Variants in TENM4 observed in about 807,000 individuals in gnomAD.
The protein encoded by TENM4 is teneurin-4.
Under a neutral mutation model 243.3 loss-of-function variants are expected in TENM4, and 82 were observed. That is an observed-to-expected ratio of 0.34 (90% CI 0.28 to 0.40). The LOEUF (loss-of-function observed/expected upper bound fraction) is 0.40. Ranked by LOEUF, TENM4 falls within the 10% of genes least tolerant of loss-of-function variation. The pLI is 1.00. For missense variants in TENM4, 3,138 were observed against 3,673.3 expected, an observed-to-expected ratio of 0.85 and a Z score of 3.77; for synonymous variants, 1,412 against 1,456.3, an observed-to-expected ratio of 0.97 and a Z score of 0.69.
intron 6 of TENM4, among the ~76,000 whole-genome samples, chr11:79,016,468 G>T (rs1366697378): frequency 6.6e-6 from 1 of 152,038 alleles, no homozygotes; most frequent in Non-Finnish European, 1.5e-5. Flanking sequence ...ATGGATTTGG[G>T]GTCATGATTA....
intron 1 of TENM4, among the ~76,000 whole-genome samples, chr11:79,407,215 T>TA (rs1858592859): frequency 6.6e-6 from 1 of 152,262 alleles, no homozygotes; most frequent in Admixed American, 6.5e-5. Flanking sequence ...TCATTCTACT[T>TA]ACTGCTAAGA....
chr11:79,117,303 G>T (rs1861643403), intron 4 of TENM4, among the ~76,000 whole-genome samples: 1 of 152,112 alleles, frequency 6.6e-6, no homozygotes, highest in African/African-American at 2.4e-5. Context: ...AATTCTTTTT[G>T]TATTCAAGGG....
intron 4 of TENM4, among the ~76,000 whole-genome samples, chr11:79,087,129 A>G (rs1445475366): frequency 6.6e-6 from 1 of 152,154 alleles, no homozygotes; most frequent in African/African-American, 2.4e-5. Context: ...CAAATGAACA[A>G]ATGTTTCTGA....
intron 3 of TENM4, among the ~76,000 whole-genome samples, chr11:79,157,061 G>T (rs567599222): frequency 1.3e-5 from 2 of 152,254 alleles, no homozygotes; most frequent in Non-Finnish European, 1.5e-5. Flanking sequence ...GGACCTGAAG[G>T]GGACTTGGAG....
At chr11:79,411,370 C>T (rs1858696444) in intron 1 of TENM4, among the ~76,000 whole-genome samples, 1 of 152,210 alleles carries the variant, frequency 6.6e-6, no homozygotes, top group South Asian at 2.1e-4. Flanking sequence ...CACTATCCCA[C>T]ACAAACTCTT....
chr11:78,766,513 C>A (rs80019823), intron 18 of TENM4, among the ~76,000 whole-genome samples: 1,529 of 152,234 alleles, frequency 0.01, 31 homozygotes, highest in African/African-American at 0.035. Context: ...TGAGTTAGGG[C>A]CCCTCTGCTT....
chr11:78,858,722 T>C (rs11237640), intron 10 of TENM4, among the ~76,000 whole-genome samples: 2,084 of 152,254 alleles, frequency 0.014, 53 homozygotes, highest in African/African-American at 0.048. Flanking sequence ...GGTGGAATCA[T>C]AAGGGAGAGG....
chr11:79,192,233 C>T (rs1214097396), intron 3 of TENM4, among the ~76,000 whole-genome samples: 2 of 151,984 alleles, frequency 1.3e-5, no homozygotes, highest in African/African-American at 4.8e-5. Flanking sequence ...GTGAGGAGCC[C>T]CTCTGCCCGG....
chr11:78,825,183 G>T (rs954280476), intron 12 of TENM4, among the ~76,000 whole-genome samples: 1 of 152,306 alleles, frequency 6.6e-6, no homozygotes, highest in African/African-American at 2.4e-5. Context: ...CACTACACCG[G>T]TCTAGGTCTG....
chr11:78,887,312 C>T (rs1225375557), intron 9 of TENM4, among the ~76,000 whole-genome samples: 2 of 152,204 alleles, frequency 1.3e-5, no homozygotes, highest in Non-Finnish European at 2.9e-5. Flanking sequence ...CTTTAAAATT[C>T]AGCTCAAACA....
intron 6 of TENM4, among the ~76,000 whole-genome samples, chr11:78,926,431 G>A (rs1856552269): frequency 1.3e-5 from 2 of 151,820 alleles, no homozygotes; most frequent in African/African-American, 2.4e-5. Flanking sequence ...ATGCTACCAC[G>A]CCTGGCTAAT....
rs1855980119 is a variant in TENM4 at position 78,903,382 on chromosome 11, C to A, written c.635G>T (p.Ser212Ile). 2 of 1,530,896 alleles carry A rather than the reference C, an allele frequency of 1.3e-6. No individual in the cohort carries two copies. The highest frequency in any genetic ancestry group is 1.8e-6 in the Non-Finnish European group (2 of 1,136,958). 94.8% of individuals were successfully genotyped at this position (1,530,896 alleles called of 1,614,324 possible). A position where few individuals can be genotyped will look rare whatever the true frequency, so the allele number is the denominator to read the frequency against. Residue 212 changes from serine to isoleucine, a missense_variant, in exon 7 of 34, where the codon AGC becomes ATC. This residue lies in a region of TENM4 where 671 missense variants were observed against 614.1 expected (regional missense o/e 1.09). Coordinates refer to ENST00000278550, the MANE Select transcript of TENM4 (RefSeq NM_001098816.3). ...GAGCGAGTGGTCCGTGGGGGCCGGG[C>A]TGGGGTTGCTCCTCGGCGTGAAGTT... ...RGNFTPRSNP[S>I]PAPTDHSLSG...
chr11:78,853,668 T>C (rs1405322810), intron 12 of TENM4, among the ~76,000 whole-genome samples: 1 of 152,208 alleles, frequency 6.6e-6, no homozygotes. Flanking sequence ...CTTTTCTCAT[T>C]GGCCAGGGGT....
At chr11:78,673,028 GC>G (rs1198865690) in intron 30 of TENM4, among the ~76,000 whole-genome samples, 1 of 151,998 alleles carries the variant, frequency 6.6e-6, no homozygotes, top group Admixed American at 6.6e-5. Context: ...CACTGGGATG[GC>G]TTTTCTGCCT....
chr11:78,908,812 G>T (rs1226519724), intron 6 of TENM4, among the ~76,000 whole-genome samples: 1 of 152,234 alleles, frequency 6.6e-6, no homozygotes, highest in Non-Finnish European at 1.5e-5. Flanking sequence ...GCCCTGGGTT[G>T]AAGGTGTGCC....
chr11:78,779,717 C>T lies in TENM4; in HGVS notation c.2366-1089G>A, dbSNP rs573385372. Among the ~76,000 whole-genome samples the T allele has an allele frequency of 9.2e-5, 14 of 152,322 alleles. No individual in the cohort carries two copies. In the South Asian group the frequency reaches 1.0e-3, roughly 11 times the overall value. On this transcript the variant is annotated intron_variant, in intron 16 of 33. Coordinates refer to ENST00000278550, the MANE Select transcript of TENM4 (RefSeq NM_001098816.3). ...GGGCAGTCTCCTGAAGGATCTGATG[C>T]CTTCAGCCAGGCTGCACTCCAGCCC...
chr11:79,231,176 G>A (rs1417809145), intron 2 of TENM4, among the ~76,000 whole-genome samples: 1 of 152,130 alleles, frequency 6.6e-6, no homozygotes, highest in Non-Finnish European at 1.5e-5. Context: ...GATAGAAGAG[G>A]GTTAATATTC....
intron 2 of TENM4, among the ~76,000 whole-genome samples, chr11:79,254,558 T>C (rs1390566160): frequency 1.3e-5 from 2 of 152,210 alleles, no homozygotes; most frequent in African/African-American, 2.4e-5. Flanking sequence ...CTGGACTCTG[T>C]ACTTTCTGAT....
chr11:78,898,206 TAAC>T (rs1855841934), intron 7 of TENM4, among the ~76,000 whole-genome samples: 2 of 152,204 alleles, frequency 1.3e-5, no homozygotes, highest in Non-Finnish European at 2.9e-5. Context: ...GGGACTCAGT[TAAC>T]ATTGGAGACT....
Sources: allele counts gnomAD v4.1 joint callset (sites outside exome capture counted in the v4.1 genomes callset), GRCh38; gene constraint gnomAD v4.1.1; regional missense constraint gnomAD v4.1.1; transcripts MANE v1.5; gene names NCBI Gene and HGNC (gene_info 2026-07-23, HGNC 2026-07-21).